GRIK1: variants seen among roughly 807,000 people sequenced by gnomAD.
The protein encoded by GRIK1 is glutamate receptor ionotropic, kainate 1.
Under a neutral mutation model 105.7 loss-of-function variants are expected in GRIK1, and 69 were observed. The observed-to-expected ratio is 0.65, with a 90% CI of 0.54 to 0.80. The LOEUF (loss-of-function observed/expected upper bound fraction) is 0.80, where lower values mean the gene tolerates loss of function less well. Among genes scored for constraint, GRIK1 ranks in the 30% least tolerant of loss-of-function variants. The pLI is 0.00. For missense variants in GRIK1, 1,109 were observed against 1,167.3 expected (o/e 0.95, Z 0.73); for synonymous variants, 438 against 431.3 (o/e 1.02, Z -0.19).
chr21:29,673,207 G>A lies in GRIK1; in HGVS notation c.545-43C>T, dbSNP rs200718913. ...ATCATGCAATGGAGACTGTTCTGTC[G>A]ACAGAGTATTGTTTATTGCCATTTA... is the stretch of plus-strand genomic sequence containing the variant. On this transcript the variant is annotated intron_variant, in intron 3 of 17. Transcript: ENST00000327783. 82 of 1,345,834 alleles carry A rather than the reference G, an allele frequency of 6.1e-5. No individual in the cohort carries two copies. The African/African-American group carries it at 1.1e-3, about 18-fold the overall frequency. The allele number at this position is 1,345,834 out of a possible 1,614,324, so 83.4% of individuals were successfully genotyped here. A position where few individuals can be genotyped will look rare whatever the true frequency, so the allele number is the denominator to read the frequency against.
chr21:29,846,777 A>T (rs1212101772), intron 1 of GRIK1, among the ~76,000 whole-genome samples: 1 of 152,152 alleles, frequency 6.6e-6, no homozygotes. Flanking sequence ...GTTGGCAAAT[A>T]TTCTTTATAG....
Position 29,560,500 on chromosome 21 carries a change from C to CT in GRIK1, c.2356+1123dup, listed in dbSNP as rs1568815036. Reference sequence around the variant, plus strand: ...CTCTCTCCCTTTCTTTCTTTCTTTCCTTCCTTCCTTCCTTCCTTCCTTTCT... The same window carrying CT: ...CTCTCTCCCTTTCTTTCTTTCTTTCCTTTCCTTCCTTCCTTCCTTCCTTTCT... On this transcript the variant is annotated intron_variant, in intron 15 of 17. Coordinates refer to ENST00000327783, the MANE Select transcript of GRIK1 (RefSeq NM_001330994.2). Among the ~76,000 whole-genome samples the CT allele has an allele frequency of 3.1e-3, 38 of 12,248 alleles. 2 individuals are homozygous for CT. Among genetic ancestry groups the CT allele is most frequent in the East Asian group, 5.6e-3 (2 of 358 alleles). 8.0% of individuals were successfully genotyped at this position (12,248 alleles called of 152,430 possible).
intron 9 of GRIK1, among the ~76,000 whole-genome samples, chr21:29,594,181 GTGTA>G (rs976268301): frequency 2.6e-4 from 27 of 103,420 alleles, no homozygotes; most frequent in African/African-American, 1.8e-3. Flanking sequence ...AAACAGAACT[GTGTA>G]TGTGTGTGTG....
At chr21:29,898,009 C>G (rs51616) in intron 1 of GRIK1, among the ~76,000 whole-genome samples, 1 of 152,138 alleles carries the variant, frequency 6.6e-6, no homozygotes, top group African/African-American at 2.4e-5. Flanking sequence ...ATTAAAGTAA[C>G]TTGCCCTAGT....
rs1568815789 is a variant in GRIK1 at position 29,560,558 on chromosome 21, T to TCTCTCTCTC, written c.2356+1065_2356+1066insGAGAGAGAG. ...TTTCTTTCTTTCTTTCTTTCTTTCT[T>TCTCTCTCTC]TCTTTCTTTCTTTCTTTCTCTCTTT... On this transcript the variant is annotated intron_variant, in intron 15 of 17. Transcript: ENST00000327783. 4.9e-5 allele frequency among the ~76,000 whole-genome samples: 6 copies of TCTCTCTCTC among 121,812 alleles called. 1 individual carries two copies. The highest frequency in any genetic ancestry group is 2.2e-4 in the African/African-American group (6 of 26,844). The allele number at this position is 121,812 out of a possible 152,430, so 79.9% of individuals were successfully genotyped here.
At chr21:29,739,995 CACAA>C (rs1399953292) in intron 1 of GRIK1, among the ~76,000 whole-genome samples, 1 of 152,222 alleles carries the variant, frequency 6.6e-6, no homozygotes, top group Non-Finnish European at 1.5e-5. Context: ...CACACACATA[CACAA>C]ACACACTGTT....
intron 1 of GRIK1, among the ~76,000 whole-genome samples, chr21:29,935,001 T>C (rs762412748): frequency 2.0e-5 from 3 of 152,174 alleles, no homozygotes; most frequent in Admixed American, 6.5e-5. Context: ...GTTTTCAAGT[T>C]CATGTTAGGA....
chr21:29,610,505 C>G (rs969098610), intron 7 of GRIK1, among the ~76,000 whole-genome samples: 1 of 152,046 alleles, frequency 6.6e-6, no homozygotes, highest in African/African-American at 2.4e-5. Context: ...ATGCTACTTT[C>G]AATTGAAAGA....
At chr21:29,925,792 T>C (rs2071350088) in intron 1 of GRIK1, among the ~76,000 whole-genome samples, 1 of 152,220 alleles carries the variant, frequency 6.6e-6, no homozygotes, top group Admixed American at 6.5e-5. Flanking sequence ...AATGGTGGGC[T>C]GCCTTCCTGA....
chr21:29,613,929 C>A (rs1408624918), intron 7 of GRIK1, among the ~76,000 whole-genome samples: 1 of 152,050 alleles, frequency 6.6e-6, no homozygotes, highest in Non-Finnish European at 1.5e-5. Flanking sequence ...ATATTGTAGG[C>A]AAGGGAGATC....
chr21:29,592,028 G>A (rs907921343), intron 9 of GRIK1, among the ~76,000 whole-genome samples: 4 of 152,146 alleles, frequency 2.6e-5, no homozygotes, highest in African/African-American at 9.7e-5. Flanking sequence ...TTCAGCCTGG[G>A]TGACAGAGCG....
intron 1 of GRIK1, among the ~76,000 whole-genome samples, chr21:29,791,191 G>T (rs1256326800): frequency 2.0e-5 from 3 of 152,208 alleles, no homozygotes; most frequent in South Asian, 2.1e-4. Flanking sequence ...ATGGGACTTC[G>T]CAAGATGTGG....
intron 14 of GRIK1, among the ~76,000 whole-genome samples, chr21:29,573,703 G>T (rs987249905): frequency 2.6e-5 from 4 of 152,122 alleles, no homozygotes; most frequent in Admixed American, 2.6e-4. Flanking sequence ...AAAAAAATTA[G>T]CCAGGCATGG....
intron 7 of GRIK1, chr21:29,601,211 C>G (rs1337473908): frequency 9.8e-6 from 5 of 510,102 alleles, no homozygotes; most frequent in African/African-American, 1.9e-5. Context: ...AGAGCATTTA[C>G]TCTCTGCCTG....
At chr21:29,727,894 G>A (rs968815612) in intron 1 of GRIK1, among the ~76,000 whole-genome samples, 1 of 152,136 alleles carries the variant, frequency 6.6e-6, no homozygotes, top group African/African-American at 2.4e-5. Flanking sequence ...GCGGAGCCCC[G>A]GAAAAGCCAG....
intron 3 of GRIK1, among the ~76,000 whole-genome samples, chr21:29,676,906 A>T (rs1168850326): frequency 6.6e-6 from 1 of 152,190 alleles, no homozygotes; most frequent in African/African-American, 2.4e-5. Flanking sequence ...ATATATTATT[A>T]TTTTGCCAAT....
intron 1 of GRIK1, among the ~76,000 whole-genome samples, chr21:29,720,854 G>C (rs950423080): frequency 1.3e-5 from 2 of 152,078 alleles, no homozygotes; most frequent in Admixed American, 6.6e-5. Context: ...AAGAGTTCAG[G>C]AAATGTCACC....
chr21:29,642,709 G>A (rs896655707), intron 7 of GRIK1, 117 bp downstream of exon 7: 2 of 826,124 alleles, frequency 2.4e-6, no homozygotes, highest in African/African-American at 3.4e-5. Context: ...GGTTGATGAT[G>A]GCTTCCTCTC....
intron 7 of GRIK1, among the ~76,000 whole-genome samples, chr21:29,628,852 T>C (rs2062191917): frequency 6.6e-6 from 1 of 152,238 alleles, no homozygotes; most frequent in Non-Finnish European, 1.5e-5. Flanking sequence ...CCTATCATTA[T>C]AGGTAAACAA....
Sources: allele counts gnomAD v4.1 joint callset (sites outside exome capture counted in the v4.1 genomes callset), GRCh38; gene constraint gnomAD v4.1.1; transcripts MANE v1.5; gene names NCBI Gene and HGNC (gene_info 2026-07-23, HGNC 2026-07-21).